The following SUGT1 variants were observed in gnomAD, a reference collection of about 807,000 sequenced individuals.
SUGT1 encodes the protein SGT1 assembly cochaperone of MIS12 kinetochore complex.
A neutral mutation model predicts 56.1 loss-of-function variants in SUGT1; 15 were observed. The observed-to-expected ratio is 0.27, with a 90% CI of 0.18 to 0.41. The LOEUF is 0.41. Ranked by LOEUF, SUGT1 falls within the 10% of genes least tolerant of loss-of-function variation. The probability of loss-of-function intolerance (pLI) is 1.00; values close to 1 mark genes in which losing one functional copy is unlikely to be tolerated. For missense variants in SUGT1, 347 were observed against 382.2 expected (o/e 0.91, Z 0.77); for synonymous variants, 123 against 128.6 (o/e 0.96, Z 0.30).
intron 12 of SUGT1, chr13:52,687,142 G>A (rs1036699784): frequency 1.3e-5 from 2 of 150,680 alleles, no homozygotes; most frequent in Admixed American, 6.6e-5. Context: ...TGCTTGGGTT[G>A]TTGGTAGGTG....
At chr13:52,686,925 G>A (rs898238750) in intron 12 of SUGT1, among the ~76,000 whole-genome samples, 2 of 151,798 alleles carry the variant, frequency 1.3e-5, no homozygotes, top group Non-Finnish European at 2.9e-5. Context: ...TACAAAATTA[G>A]CCGGGCATGG....
chr13:52,687,869 T>C lies in SUGT1; in HGVS notation c.*34T>C. ...ATTTGCTCTCATCGTATTGTGTATA[T>C]TCACCTAATGCCCATTGTGTATTGA... On this transcript the variant is annotated 3_prime_UTR_variant, in exon 13 of 13. Coordinates refer to ENST00000310528, the MANE Select transcript of SUGT1 (RefSeq NM_006704.5). 7.1e-7 allele frequency: 1 copy of C among 1,410,716 alleles called. No individual in the cohort carries two copies. The highest frequency in any genetic ancestry group is 9.7e-7 in the Non-Finnish European group (1 of 1,029,354). The allele number at this position is 1,410,716 out of a possible 1,614,324, so 87.4% of individuals were successfully genotyped here.
At chr13:52,679,609 C>T (rs934622852) in intron 11 of SUGT1, among the ~76,000 whole-genome samples, 11 of 152,078 alleles carry the variant, frequency 7.2e-5, no homozygotes, top group African/African-American at 9.7e-5. Flanking sequence ...TAGAATTGTT[C>T]GTACTGTCTC....
intron 5 of SUGT1, among the ~76,000 whole-genome samples, chr13:52,662,237 C>T (rs1174055335): frequency 6.6e-6 from 1 of 152,078 alleles, no homozygotes; most frequent in Non-Finnish European, 1.5e-5. Flanking sequence ...GGGCTGGGAA[C>T]GGCTTTTGAA....
rs1311270798 is a variant in SUGT1, at chr13:52,665,803, C to A, written c.519+70C>A. 4.0e-6 allele frequency: 4 copies of A among 1,003,576 alleles called. No individual in the cohort carries two copies. In the Admixed American group the frequency reaches 8.1e-5, roughly 20 times the overall value. 62.2% of individuals were successfully genotyped at this position (1,003,576 alleles called of 1,614,324 possible). A position where few individuals can be genotyped will look rare whatever the true frequency, so the allele number is the denominator to read the frequency against. On this transcript the variant is annotated intron_variant, in intron 9 of 12. Coordinates refer to ENST00000310528, the MANE Select transcript of SUGT1 (RefSeq NM_006704.5). ...CAAATTTAGTATATTGCAGAATAAT[C>A]GATAACGGTTTATCAGATAAATGCT...
intron 12 of SUGT1, among the ~76,000 whole-genome samples, chr13:52,682,321 C>A (rs1193589646): frequency 1.3e-5 from 2 of 152,130 alleles, no homozygotes; most frequent in African/African-American, 2.4e-5. Context: ...GCCTCAGCCT[C>A]CCAAGTAGAT....
intron 11 of SUGT1, among the ~76,000 whole-genome samples, chr13:52,678,930 A>C (rs909488600): frequency 4.6e-5 from 7 of 151,914 alleles, no homozygotes; most frequent in African/African-American, 1.7e-4. Context: ...CAATCCTCCT[A>C]CTTGGCCTCC....
intron 10 of SUGT1, among the ~76,000 whole-genome samples, chr13:52,668,178 C>T (rs1962794781): frequency 6.6e-6 from 1 of 152,094 alleles, no homozygotes. Context: ...GATGGGGTTT[C>T]ACCATATTGG....
At chr13:52,669,629 G>T (rs892625252) in intron 10 of SUGT1, among the ~76,000 whole-genome samples, 1 of 152,134 alleles carries the variant, frequency 6.6e-6, no homozygotes, top group Admixed American at 6.5e-5. Flanking sequence ...TTGAATTGGA[G>T]AACTTAGATT....
chr13:52,653,426 C>T (rs1962010291), intron 2 of SUGT1, among the ~76,000 whole-genome samples: 1 of 152,010 alleles, frequency 6.6e-6, no homozygotes, highest in African/African-American at 2.4e-5. Context: ...GAAGTGGACT[C>T]TGGGCTCGAT....
rs1962889906 is a variant in SUGT1 at position 52,670,560 on chromosome 13, A to G, written c.627+3641A>G. 2.0e-5 allele frequency among the ~76,000 whole-genome samples: 3 copies of G among 152,166 alleles called. No homozygotes were observed. The South Asian group carries it at 6.2e-4, about 32-fold the overall frequency. On this transcript the variant is annotated intron_variant, in intron 10 of 12. Transcript: ENST00000310528. The stretch of plus-strand genomic sequence containing the variant: ...GGTGGGTCATGCCTGTAATCCCAAC[A>G]CTTTGGTAGGCCAAGGCGGTCGGAT...
chr13:52,689,186 G>A lies in SUGT1; in HGVS notation c.*1351G>A, dbSNP rs1279566836. 6.6e-6 allele frequency: 1 copy of A among 152,030 alleles called. No individual in the cohort carries two copies. The highest frequency in any genetic ancestry group is 2.4e-5 in the African/African-American group (1 of 41,370). The allele number at this position is 152,030 out of a possible 1,614,324, so 9.4% of individuals were successfully genotyped here. On this transcript the variant is annotated 3_prime_UTR_variant, in exon 13 of 13. Coordinates refer to ENST00000310528, the MANE Select transcript of SUGT1 (RefSeq NM_006704.5). ...AGTTACTAAGGAAAGTTTCAGTAAG[G>A]TGATACCAGATGGTGCCCAAACCTG...
chr13:52,655,577 AGTT>A (rs1203064178), intron 2 of SUGT1, among the ~76,000 whole-genome samples: 1 of 152,118 alleles, frequency 6.6e-6, no homozygotes, highest in Non-Finnish European at 1.5e-5. Flanking sequence ...CATGGAGGTG[AGTT>A]GTTTTATGTA....
intron 10 of SUGT1, among the ~76,000 whole-genome samples, chr13:52,674,353 G>A (rs959826539): frequency 5.3e-5 from 8 of 151,822 alleles, no homozygotes; most frequent in Admixed American, 1.3e-4. Context: ...TCCCAGTGAC[G>A]TTTGCTTCAT....
intron 12 of SUGT1, among the ~76,000 whole-genome samples, chr13:52,681,521 T>C (rs937108639): frequency 6.6e-6 from 1 of 152,098 alleles, no homozygotes; most frequent in African/African-American, 2.4e-5. Context: ...AAAGTTTCCA[T>C]TGATGGAAAC....
intron 10 of SUGT1, among the ~76,000 whole-genome samples, chr13:52,670,980 A>C (rs1962913440): frequency 6.6e-6 from 1 of 152,154 alleles, no homozygotes; most frequent in South Asian, 2.1e-4. Flanking sequence ...TGTCTTAGAA[A>C]CAAAATAGCC....
Position 52,689,575 on chromosome 13 carries a change from C to T in SUGT1, c.*1740C>T, listed in dbSNP as rs570742050. 1 of 152,240 alleles carries T rather than the reference C, an allele frequency of 6.6e-6. No homozygotes were observed. The highest frequency in any genetic ancestry group is 2.4e-5 in the African/African-American group (1 of 41,544). The allele number at this position is 152,240 out of a possible 1,614,324, so 9.4% of individuals were successfully genotyped here. ...CTTTCTTAGTTCCTTTGTAAATAAT[C>T]CATAGAGTCTTAGAGTTATAATTAA... On this transcript the variant is annotated 3_prime_UTR_variant, in exon 13 of 13. Coordinates refer to ENST00000310528, the MANE Select transcript of SUGT1 (RefSeq NM_006704.5).
At chr13:52,684,907 A>C (rs1594258291) in intron 12 of SUGT1, among the ~76,000 whole-genome samples, 1 of 15,434 alleles carries the variant, frequency 6.5e-5, no homozygotes. Context: ...GTTTGTTGGG[A>C]CTTTTTTTTT....
chr13:52,666,753 G>GT lies in SUGT1; in HGVS notation c.520-53dup, dbSNP rs1324025610. 4.5e-6 allele frequency: 5 copies of GT among 1,113,782 alleles called. No individual in the cohort carries two copies. The African/African-American group carries it at 4.7e-5, about 10-fold the overall frequency. The allele number at this position is 1,113,782 out of a possible 1,614,324, so 69.0% of individuals were successfully genotyped here. The stretch of plus-strand genomic sequence containing the variant: ...GAAGATTTGTCATTATTTTGTGTAG[G>GT]TTTTTTACCCTCCATTATATACATT... On this transcript the variant is annotated intron_variant, in intron 9 of 12. Transcript: ENST00000310528.
Sources: gnomAD v4.1 joint callset for allele counts (sites outside exome capture counted in the v4.1 genomes callset) on GRCh38, gnomAD v4.1.1 for gene constraint, MANE v1.5 for transcripts, NCBI Gene and HGNC (gene_info 2026-07-23, HGNC 2026-07-21) for gene names.